Variants in SLC26A11 observed in about 807,000 individuals in gnomAD.
SLC26A11 encodes solute carrier family 26 member 11.
In SLC26A11, 58 loss-of-function variants were observed where a neutral mutation model predicts 62.2. That is an observed-to-expected ratio of 0.93 (90% confidence interval 0.76 to 1.16). The LOEUF is 1.16. SLC26A11 is among the 50% of genes most tolerant of loss of function. The pLI, the probability that SLC26A11 is intolerant of heterozygous loss-of-function variation, is 0.00. For synonymous variants in SLC26A11, 411 were observed against 368.9 expected (o/e 1.11, Z -1.31); for missense variants, 790 against 794.3 (o/e 0.99, Z 0.06).
chr17:80,238,586 G>T (rs555165102), intron 9 of SLC26A11, among the ~76,000 whole-genome samples: 1 of 152,046 alleles, frequency 6.6e-6, no homozygotes, highest in African/African-American at 2.4e-5. Flanking sequence ...CTCCACTCCT[G>T]CCAGCTTTGT....
chr17:80,238,487 C>G (rs1319947280), intron 9 of SLC26A11, among the ~76,000 whole-genome samples: 1 of 152,212 alleles, frequency 6.6e-6, no homozygotes, highest in Non-Finnish European at 1.5e-5. Flanking sequence ...TCCTCGCCCC[C>G]AGGGAGGCAG....
intron 2 of SLC26A11, 137 bp downstream of exon 2, chr17:80,221,252 G>T: frequency 2.6e-6 from 1 of 380,934 alleles, no homozygotes; most frequent in Non-Finnish European, 4.7e-6. Flanking sequence ...TTCTCAATGA[G>T]GAATCGCTTA....
chr17:80,250,950 G>A (rs2043140010), intron 16 of SLC26A11, among the ~76,000 whole-genome samples: 1 of 151,964 alleles, frequency 6.6e-6, no homozygotes, highest in Non-Finnish European at 1.5e-5. Flanking sequence ...AGACCAGCCT[G>A]GGCAACATGA....
At chr17:80,225,968 C>T (rs371243947) in intron 6 of SLC26A11, 52 bp downstream of exon 6, 1 of 1,531,200 alleles carries the variant, frequency 6.5e-7, no homozygotes, top group Non-Finnish European at 9.0e-7. Flanking sequence ...TCTTCCACAC[C>T]TCCTCTCCCG....
intron 13 of SLC26A11, among the ~76,000 whole-genome samples, chr17:80,247,731 C>T (rs571453866): frequency 9.9e-5 from 15 of 152,186 alleles, no homozygotes; most frequent in East Asian, 1.9e-4. Context: ...CTGACCTATG[C>T]GTGCGGTGGA....
At chr17:80,239,475 C>T (rs569597301) in intron 9 of SLC26A11, among the ~76,000 whole-genome samples, 3 of 151,706 alleles carry the variant, frequency 2.0e-5, no homozygotes, top group Non-Finnish European at 2.9e-5. Context: ...CTGCAAGCTC[C>T]GCCTCCTGGG....
In SLC26A11 at chr17:80,252,468, C is replaced by A. The variant is rs1339923473; in HGVS notation, c.1730-157C>A. Among the ~76,000 whole-genome samples the A allele has an allele frequency of 6.6e-6, 1 of 152,082 alleles. No individual in the cohort carries two copies. Among genetic ancestry groups the A allele is most frequent in the Non-Finnish European group, 1.5e-5 (1 of 68,018 alleles). ...TACGCTTACAGAGACTCAGGTGAGA[C>A]CCTCATGGAGTTAGTGACACTGGCC... is the stretch of plus-strand genomic sequence containing the variant. On this transcript the variant is annotated intron_variant, in intron 17 of 17. Coordinates refer to ENST00000361193, the MANE Select transcript of SLC26A11 (RefSeq NM_001166347.2). The surrounding 1 kb of genome is among the most constrained non-coding windows in gnomAD (Gnocchi z 5.2).
chr17:80,226,125 G>A (rs1268634316), intron 6 of SLC26A11, among the ~76,000 whole-genome samples: 2 of 152,138 alleles, frequency 1.3e-5, no homozygotes, highest in Non-Finnish European at 1.5e-5. Context: ...TTTAACAGGA[G>A]GCCGGTGGTC....
At chr17:80,232,124 A>C (rs1437495825) in intron 7 of SLC26A11, among the ~76,000 whole-genome samples, 1 of 152,168 alleles carries the variant, frequency 6.6e-6, no homozygotes, top group Non-Finnish European at 1.5e-5. Context: ...TAGTATAAAA[A>C]CATATAGAAT....
At chr17:80,250,741 C>CG (rs2043134447) in intron 16 of SLC26A11, among the ~76,000 whole-genome samples, 1 of 152,108 alleles carries the variant, frequency 6.6e-6, no homozygotes, top group African/African-American at 2.4e-5. Context: ...GCAGGAGAAT[C>CG]GCTTGAACCC....
chr17:80,250,474 A>C (rs1301695910), intron 16 of SLC26A11, among the ~76,000 whole-genome samples: 1 of 152,146 alleles, frequency 6.6e-6, no homozygotes. Flanking sequence ...TTCGCTCATA[A>C]GTGTTACGTC....
rs79333826 is a variant in SLC26A11 at position 80,239,965 on chromosome 17, G to A, written c.986-1806G>A. 5.8e-3 allele frequency among the ~76,000 whole-genome samples: 881 copies of A among 152,372 alleles called. 12 individuals are homozygous for A. Among genetic ancestry groups the A allele is most frequent in the African/African-American group, 0.02 (846 of 41,594 alleles). ...GGATGTGCTGTCCGTGGCTGCTTTC[G>A]TGGCACCACAGCAGAGTTGCGTAGC... On this transcript the variant is annotated intron_variant, in intron 9 of 17. Transcript: ENST00000361193.
chr17:80,233,414 G>A (rs2042610137), intron 7 of SLC26A11, among the ~76,000 whole-genome samples: 1 of 152,160 alleles, frequency 6.6e-6, no homozygotes, highest in Non-Finnish European at 1.5e-5. Flanking sequence ...GCAGATGTGA[G>A]CCACCATTCC....
At chr17:80,239,412 C>T (rs777203725) in intron 9 of SLC26A11, among the ~76,000 whole-genome samples, 42 of 127,138 alleles carry the variant, frequency 3.3e-4, no homozygotes, top group Non-Finnish European at 4.6e-4. Context: ...TTTTTCGAGA[C>T]GGAGTCTCGC....
At position 80,227,827 on chromosome 17, in the gene SLC26A11, C is replaced by T. The variant is rs772598712; in HGVS notation, c.603C>T (p.Asp201=). ...FLRIAETRVG[D]AVLGLVCMLL... is the part of the protein sequence containing the mutation. ...CTCTGCCTGTCCACAGGGTAGGTGA[C>T]GCCGTCCTGGGGCTGGTCTGCATGC... Residue 201 remains aspartate (D), a synonymous_variant, in exon 7 of 18, where the codon GAC becomes GAT. Coordinates refer to ENST00000361193, the MANE Select transcript of SLC26A11 (RefSeq NM_001166347.2). The T allele has an allele frequency of 1.3e-5, 21 of 1,603,770 alleles. No individual in the cohort carries two copies. The highest frequency in any genetic ancestry group is 1.6e-4 in the Middle Eastern group (1 of 6,076).
At chr17:80,230,658 C>G (rs1356143694) in intron 7 of SLC26A11, among the ~76,000 whole-genome samples, 1 of 152,060 alleles carries the variant, frequency 6.6e-6, no homozygotes, top group African/African-American at 2.4e-5. Flanking sequence ...TTCTCTAGTA[C>G]TTGCCTAACC....
chr17:80,230,190 T>C (rs1472393690), intron 7 of SLC26A11, among the ~76,000 whole-genome samples: 2 of 125,398 alleles, frequency 1.6e-5, no homozygotes, highest in Non-Finnish European at 3.3e-5. Flanking sequence ...CGAGACTCCT[T>C]CTCAAAAAAA....
Position 80,245,442 on chromosome 17 carries a change from C to T in SLC26A11, c.1097+186C>T, listed in dbSNP as rs1213678252. 2.2e-5 allele frequency: 13 copies of T among 597,406 alleles called. 1 individual carries two copies. Among genetic ancestry groups the T allele is most frequent in the South Asian group, 1.5e-4 (8 of 52,590 alleles). The allele number at this position is 597,406 out of a possible 1,614,324, so 37.0% of individuals were successfully genotyped here. ...TCTCTGTTTCTTTATTCTCATAGAT[C>T]GTCCTGCAGTTTCATACTAGAAAGT... On this transcript the variant is annotated intron_variant, in intron 11 of 17. Transcript: ENST00000361193.
rs369092823 is a variant in SLC26A11, at chr17:80,251,412, T to A, written c.1729+11T>A. The A allele has an allele frequency of 2.5e-5, 41 of 1,612,974 alleles. No individual in the cohort carries two copies. The highest frequency in any genetic ancestry group is 4.0e-5 in the African/African-American group (3 of 74,886). ...CCCTGGAAGAAGCAGGTGGGCACAG[T>A]CAGACATCCTGTGGCTTTGGTGATT... On this transcript the variant is annotated intron_variant, in intron 17 of 17. Transcript: ENST00000361193.
Sources: allele counts gnomAD v4.1 joint callset (sites outside exome capture counted in the v4.1 genomes callset), GRCh38; gene constraint gnomAD v4.1.1; non-coding constraint Gnocchi (gnomAD v3.1); transcripts MANE v1.5; gene names NCBI Gene and HGNC (gene_info 2026-07-23, HGNC 2026-07-21).